MARK2: variants seen among roughly 807,000 people sequenced by gnomAD.
MARK2 encodes the protein microtubule affinity regulating kinase 2.
Under a neutral mutation model 89.8 loss-of-function variants are expected in MARK2, and 16 were observed. The observed-to-expected ratio is 0.18, with a 90% CI of 0.12 to 0.27. MARK2 has a LOEUF of 0.27. MARK2 is among the 10% of genes least tolerant of loss of function. The pLI is 1.00. For synonymous variants in MARK2, 382 were observed against 399.5 expected (o/e 0.96, Z 0.52); for missense variants, 621 against 1,049.9 (o/e 0.59, Z 5.65).
At chr11:63,862,851 G>T (rs924556007) in intron 1 of MARK2, among the ~76,000 whole-genome samples, 1 of 129,130 alleles carries the variant, frequency 7.7e-6, no homozygotes, top group African/African-American at 2.7e-5. Flanking sequence ...TTCTTTGTAA[G>T]CACCCCACTC....
intron 1 of MARK2, among the ~76,000 whole-genome samples, chr11:63,894,795 A>T (rs1399165220): frequency 1.3e-5 from 2 of 152,170 alleles, no homozygotes; most frequent in African/African-American, 4.8e-5. Flanking sequence ...TGACTTTGAG[A>T]TGCAGTCTTC....
rs1258337063 is a variant in MARK2, at chr11:63,903,979, T to C, written c.1515-7T>C. On this transcript the variant is annotated splice_region_variant and splice_polypyrimidine_tract_variant and intron_variant, in intron 14 of 18. Transcript: ENST00000402010. The surrounding 1 kb of genome is among the most constrained non-coding windows in gnomAD (Gnocchi z 5.1). Reference sequence around the variant, plus strand: ...ACACGGGCCTCTCCGCTGCTTTTGTTTCCTAGCCTAACCATGCCAGGGTCC... The same window carrying C: ...ACACGGGCCTCTCCGCTGCTTTTGTCTCCTAGCCTAACCATGCCAGGGTCC... 1 of 1,598,540 alleles carries C rather than the reference T, an allele frequency of 6.3e-7. No individual in the cohort carries two copies. Among genetic ancestry groups the C allele is most frequent in the African/African-American group, 1.3e-5 (1 of 74,236 alleles).
chr11:63,845,166 C>CTA (rs1176565986), intron 1 of MARK2, among the ~76,000 whole-genome samples: 1 of 152,112 alleles, frequency 6.6e-6, no homozygotes, highest in Non-Finnish European at 1.5e-5. Flanking sequence ...TGAGGCTTTC[C>CTA]TACAGTAACC....
rs1157361604 is a variant in MARK2 at position 63,904,001 on chromosome 11, G to A, written c.1530G>A (p.Gly510=). Residue 510 remains glycine, a synonymous_variant, in exon 15 of 19, where the codon GGG becomes GGA. Transcript: ENST00000402010. This position sits in a 1 kb window ranked among gnomAD's most constrained non-coding sequence, Gnocchi z 6.3. The part of the protein sequence containing the change: ...QNGKDSLTMP[G]SRASTASASA... ...TGTTTCCTAGCCTAACCATGCCAGG[G>A]TCCCGGGCCTCCACGGCTTCTGCTT... 2.8e-5 allele frequency: 45 copies of A among 1,608,312 alleles called. No individual in the cohort carries two copies. Among genetic ancestry groups the A allele is most frequent in the Non-Finnish European group, 3.7e-5 (44 of 1,177,874 alleles).
chr11:63,862,078 C>A (rs1937835796), intron 1 of MARK2, among the ~76,000 whole-genome samples: 1 of 152,014 alleles, frequency 6.6e-6, no homozygotes, highest in Non-Finnish European at 1.5e-5. Context: ...TATCCGCCAC[C>A]ATGCCCGGCT....
chr11:63,901,422 G>GGTGTGTGTGTGTGTGTGTGTGTGT (rs147425490), intron 11 of MARK2, among the ~76,000 whole-genome samples: 15 of 139,696 alleles, frequency 1.1e-4, no homozygotes, highest in African/African-American at 2.4e-4. Flanking sequence ...TACATTTCTG[G>GGTGTGTGTGTGTGTGTGTGTGTGT]GTGTGTGTGT....
chr11:63,844,518 C>T (rs577801978), intron 1 of MARK2, among the ~76,000 whole-genome samples: 22 of 152,266 alleles, frequency 1.4e-4, no homozygotes, highest in Non-Finnish European at 2.4e-4. Flanking sequence ...AATTTATGGA[C>T]TTCGGAAAGT....
At chr11:63,871,539 G>A (rs1005870794) in intron 1 of MARK2, among the ~76,000 whole-genome samples, 1 of 151,392 alleles carries the variant, frequency 6.6e-6, no homozygotes, top group Admixed American at 6.6e-5. Context: ...GTGTGCAGGT[G>A]TGGGTGAAGA....
At chr11:63,847,015 C>G (rs2016321020) in intron 1 of MARK2, among the ~76,000 whole-genome samples, 1 of 152,182 alleles carries the variant, frequency 6.6e-6, no homozygotes, top group Non-Finnish European at 1.5e-5. Flanking sequence ...CCCACCTACT[C>G]AGAAGGCTGA....
intron 1 of MARK2, among the ~76,000 whole-genome samples, chr11:63,861,238 A>C (rs1025501404): frequency 5.3e-5 from 8 of 152,124 alleles, no homozygotes; most frequent in African/African-American, 1.9e-4. Context: ...GTTCAAGACC[A>C]GCCTGGCCAA....
At chr11:63,851,399 A>G (rs1460276691) in intron 1 of MARK2, among the ~76,000 whole-genome samples, 1 of 151,766 alleles carries the variant, frequency 6.6e-6, no homozygotes, top group East Asian at 2.0e-4. Context: ...AGCCTGGGCA[A>G]CATGGTGAGA....
chr11:63,901,692 CTGTGTGTGTGTG>C (rs56308004), intron 11 of MARK2, among the ~76,000 whole-genome samples: 16 of 134,710 alleles, frequency 1.2e-4, no homozygotes, highest in Admixed American at 9.1e-4. Context: ...GTGTGTGTAT[CTGTGTGTGTGTG>C]TGTGTGTGTG....
chr11:63,909,206 C>T lies in MARK2; in HGVS notation c.2336C>T (p.Ala779Val). The T allele has an allele frequency of 6.3e-7, 1 of 1,594,882 alleles. No homozygotes were observed. The highest frequency in any genetic ancestry group is 8.6e-7 in the Non-Finnish European group (1 of 1,164,072). Residue 779 changes from alanine (A) to valine (V), a missense_variant, in exon 19 of 19, where the codon GCC becomes GTC. Coordinates refer to ENST00000402010, the MANE Select transcript of MARK2 (RefSeq NM_001039469.3). Reference protein sequence around the residue: ...SGTSMAFKNIASKIANELKL With the variant: ...SGTSMAFKNIVSKIANELKL ...ACCTCCATGGCCTTCAAAAACATTG[C>T]CTCCAAAATAGCCAACGAGCTGAAG...
At chr11:63,863,560 G>A (rs1271713928) in intron 1 of MARK2, among the ~76,000 whole-genome samples, 2 of 148,522 alleles carry the variant, frequency 1.3e-5, no homozygotes. Context: ...TGCCTCCTGG[G>A]TTCAAGTGAT....
chr11:63,874,655 G>A (rs527872760), intron 1 of MARK2, among the ~76,000 whole-genome samples: 3 of 152,284 alleles, frequency 2.0e-5, no homozygotes, highest in Admixed American at 1.3e-4. Context: ...TGCCCTGTGC[G>A]CAGGGTTTGC....
In MARK2 at chr11:63,902,942, C is replaced by A; in HGVS notation, c.1417-119C>A. On this transcript the variant is annotated intron_variant, in intron 13 of 18. Transcript: ENST00000402010. This position sits in a 1 kb window ranked among gnomAD's most constrained non-coding sequence, Gnocchi z 4.2. ...GTAAATGCAGAATCCTTTCCTTAAC[C>A]TACCACTGTCTGCTTCAGGTGGAAG... 1.8e-6 allele frequency: 2 copies of A among 1,084,100 alleles called. No homozygotes were observed. The highest frequency in any genetic ancestry group is 1.3e-5 in the South Asian group (1 of 76,152). The allele number at this position is 1,084,100 out of a possible 1,614,324, so 67.2% of individuals were successfully genotyped here.
chr11:63,857,849 T>G (rs1393667459), intron 1 of MARK2, among the ~76,000 whole-genome samples: 1 of 152,116 alleles, frequency 6.6e-6, no homozygotes, highest in Non-Finnish European at 1.5e-5. Flanking sequence ...TTTTTTTATT[T>G]TTTTATTTTT....
intron 1 of MARK2, among the ~76,000 whole-genome samples, chr11:63,890,768 C>T (rs1939783413): frequency 6.6e-6 from 1 of 152,246 alleles, no homozygotes; most frequent in Non-Finnish European, 1.5e-5. Flanking sequence ...ATAATGATTG[C>T]TCTTATTGAA....
intron 1 of MARK2, among the ~76,000 whole-genome samples, chr11:63,840,388 C>A (rs1382135221): frequency 1.3e-5 from 2 of 152,140 alleles, no homozygotes; most frequent in Non-Finnish European, 2.9e-5. Context: ...GGTCCCTGGG[C>A]CTCTTGTTTC....
Sources: allele counts gnomAD v4.1 joint callset (sites outside exome capture counted in the v4.1 genomes callset), GRCh38; gene constraint gnomAD v4.1.1; non-coding constraint Gnocchi (gnomAD v3.1); transcripts MANE v1.5; gene names NCBI Gene and HGNC (gene_info 2026-07-23, HGNC 2026-07-21).